IQSEC1: variants seen among roughly 807,000 people sequenced by gnomAD.
IQSEC1 encodes the protein IQ motif and SEC7 domain-containing protein 1.
Under a neutral mutation model 91.0 loss-of-function variants are expected in IQSEC1, and 31 were observed. The ratio of observed to expected loss-of-function variants is 0.34; its 90% CI spans 0.26 to 0.46. IQSEC1 has a LOEUF of 0.46. IQSEC1 is among the 20% of genes least tolerant of loss of function. The probability of loss-of-function intolerance (pLI) is 1.00; values close to 1 mark genes in which losing one functional copy is unlikely to be tolerated. For missense variants in IQSEC1, 1,388 were observed against 1,575.6 expected, an observed-to-expected ratio of 0.88 and a Z score of 2.02; for synonymous variants, 699 against 662.6, an observed-to-expected ratio of 1.05 and a Z score of -0.84.
At position 12,898,617 on chromosome 3, in the gene IQSEC1, G is replaced by A. The variant is rs537810139; in HGVS notation, c.*2366C>T. On this transcript the variant is annotated 3_prime_UTR_variant, in exon 14 of 14. Coordinates refer to ENST00000613206, the MANE Select transcript of IQSEC1 (RefSeq NM_001134382.3). ...GCTACCCTTCAGAAAGAGCAATTCT[G>A]TGCCAAACGGCCTGAATCTTTTCTG... The A allele has an allele frequency of 2.0e-5, 3 of 152,314 alleles. No homozygotes were observed. The South Asian group carries it at 6.2e-4, about 32-fold the overall frequency. The allele number at this position is 152,314 out of a possible 1,614,324, so 9.4% of individuals were successfully genotyped here.
intron 1 of IQSEC1, among the ~76,000 whole-genome samples, chr3:13,199,588 C>A (rs1037291791): frequency 6.6e-6 from 1 of 152,200 alleles, no homozygotes; most frequent in Non-Finnish European, 1.5e-5. Flanking sequence ...TCCCACCGAC[C>A]AAGGCCAGCC....
rs11710865 is a variant in IQSEC1 at position 12,900,452 on chromosome 3, T to G, written c.*531A>C. On this transcript the variant is annotated 3_prime_UTR_variant, in exon 14 of 14. Transcript: ENST00000613206. ...TCACACACAAGTACTACCTATACAG[T>G]ATATATATATATATATTTATATATT... 1.9e-6 allele frequency: 1 copy of G among 526,014 alleles called. No homozygotes were observed. Among genetic ancestry groups the G allele is most frequent in the South Asian group, 8.3e-5 (1 of 12,098 alleles). 32.6% of individuals were successfully genotyped at this position (526,014 alleles called of 1,614,324 possible). A position where few individuals can be genotyped will look rare whatever the true frequency, so the allele number is the denominator to read the frequency against.
intron 1 of IQSEC1, among the ~76,000 whole-genome samples, chr3:13,241,616 G>A (rs963516115): frequency 1.4e-4 from 21 of 152,188 alleles, no homozygotes; most frequent in African/African-American, 4.3e-4. Context: ...GATGAGTCCC[G>A]AATGTCCCCA....
chr3:13,154,753 A>G (rs1707059693), intron 2 of IQSEC1, among the ~76,000 whole-genome samples: 1 of 151,934 alleles, frequency 6.6e-6, no homozygotes, highest in Non-Finnish European at 1.5e-5. Context: ...ATTTTAGAAA[A>G]TAGCCTACAA....
intron 1 of IQSEC1, chr3:13,022,482 G>A (rs1461040349): frequency 8.0e-6 from 8 of 1,002,524 alleles, no homozygotes; most frequent in South Asian, 4.7e-5. Flanking sequence ...CACTCAGGGC[G>A]GGATGGGTGA....
At position 12,935,057 on chromosome 3, in the gene IQSEC1, C is replaced by T. The variant is rs1166892718; in HGVS notation, c.1568+391G>A. On this transcript the variant is annotated intron_variant, in intron 3 of 13. Transcript: ENST00000613206. This position sits in a 1 kb window ranked among gnomAD's most constrained non-coding sequence, Gnocchi z 8.0. ...CCCCACTGACACAACCGGTCATACC[C>T]CTGCTCAAAGGCCTTTGTGTCCCAC... 6.6e-6 allele frequency among the ~76,000 whole-genome samples: 1 copy of T among 152,214 alleles called. No individual in the cohort carries two copies. Among genetic ancestry groups the T allele is most frequent in the Non-Finnish European group, 1.5e-5 (1 of 68,042 alleles).
chr3:13,257,299 GAGAC>G lies in IQSEC1; in HGVS notation c.272+25408_272+25411del, dbSNP rs1373549118. Among the ~76,000 whole-genome samples the G allele has an allele frequency of 3.3e-5, 5 of 152,318 alleles. No individual in the cohort carries two copies. The East Asian group carries it at 5.8e-4, about 18-fold the overall frequency. ...AGAAGCTTCCCCAGTGCATGCATATGAGACAGACAGACAGACATTCTCCAGAAGA... is the reference window on the plus strand; with the variant it reads ...AGAAGCTTCCCCAGTGCATGCATATGAGACAGACAGACATTCTCCAGAAGA... On this transcript the variant is annotated intron_variant, in intron 1 of 15. Transcript: ENST00000648114.
chr3:12,958,568 G>A (rs1018372641), intron 1 of IQSEC1, among the ~76,000 whole-genome samples: 4 of 152,234 alleles, frequency 2.6e-5, no homozygotes, highest in East Asian at 3.8e-4. Context: ...CTGTTATCAC[G>A]TCGCTGCACT....
chr3:12,938,468 T>TG (rs955469661), intron 2 of IQSEC1, among the ~76,000 whole-genome samples: 18 of 152,020 alleles, frequency 1.2e-4, no homozygotes, highest in African/African-American at 3.1e-4. Flanking sequence ...GGAGAAGAGC[T>TG]GGGGGGGCTT....
chr3:13,082,787 GC>G, intron 2 of IQSEC1, among the ~76,000 whole-genome samples: 1 of 152,114 alleles, frequency 6.6e-6, no homozygotes, highest in East Asian at 1.9e-4. Flanking sequence ...GCCTCCCCCT[GC>G]CCCTCCTGAC....
chr3:13,263,868 C>T (rs1247964348), intron 1 of IQSEC1, among the ~76,000 whole-genome samples: 1 of 152,156 alleles, frequency 6.6e-6, no homozygotes, highest in Non-Finnish European at 1.5e-5. Flanking sequence ...TGACCTCAGC[C>T]AAGCTCTCAG....
chr3:13,067,517 T>G (rs1385444312), intron 1 of IQSEC1, among the ~76,000 whole-genome samples: 4 of 152,092 alleles, frequency 2.6e-5, no homozygotes, highest in Non-Finnish European at 5.9e-5. Context: ...TTCCAGGTAG[T>G]GCATGCAGTG....
chr3:13,089,593 T>A (rs1285715326), intron 2 of IQSEC1, among the ~76,000 whole-genome samples: 1 of 152,090 alleles, frequency 6.6e-6, no homozygotes, highest in Non-Finnish European at 1.5e-5. Context: ...TCAAAAAAAT[T>A]GTTTTTAAAG....
intron 1 of IQSEC1, among the ~76,000 whole-genome samples, chr3:13,035,488 TCAC>T (rs1704000383): frequency 6.6e-6 from 1 of 152,168 alleles, no homozygotes; most frequent in South Asian, 2.1e-4. Flanking sequence ...TCTTGAATAA[TCAC>T]CACACTTCAT....
intron 2 of IQSEC1, among the ~76,000 whole-genome samples, chr3:13,144,354 G>A (rs549618775): frequency 1.0e-3 from 154 of 152,324 alleles, no homozygotes; most frequent in Middle Eastern, 6.8e-3. Flanking sequence ...TCACCGCCAC[G>A]TGGCTGTCAG....
intron 2 of IQSEC1, among the ~76,000 whole-genome samples, chr3:13,097,108 C>T (rs1180005108): frequency 1.3e-5 from 2 of 152,180 alleles, no homozygotes; most frequent in Non-Finnish European, 2.9e-5. Context: ...GATCCGCCCA[C>T]CTCGGCCTCC....
intron 2 of IQSEC1, among the ~76,000 whole-genome samples, chr3:13,134,556 G>A (rs150028948): frequency 2.0e-5 from 3 of 152,358 alleles, no homozygotes; most frequent in South Asian, 2.1e-4. Flanking sequence ...CATCCGCAGC[G>A]CGAGCCCAGA....
chr3:13,108,964 T>A (rs1706197248), intron 2 of IQSEC1, among the ~76,000 whole-genome samples: 1 of 152,172 alleles, frequency 6.6e-6, no homozygotes, highest in Non-Finnish European at 1.5e-5. Context: ...TCAGAGACAG[T>A]GTGGCCTCTA....
chr3:13,280,203 G>A (rs1484827178), intron 1 of IQSEC1, among the ~76,000 whole-genome samples: 1 of 152,188 alleles, frequency 6.6e-6, no homozygotes, highest in Non-Finnish European at 1.5e-5. Flanking sequence ...ACCCTAGTTT[G>A]TCCACTCATG....
Sources: allele counts gnomAD v4.1 joint callset (sites outside exome capture counted in the v4.1 genomes callset), GRCh38; gene constraint gnomAD v4.1.1; non-coding constraint Gnocchi (gnomAD v3.1); transcripts MANE v1.5; gene names NCBI Gene and HGNC (gene_info 2026-07-23, HGNC 2026-07-21).